PDE3A: variants seen among roughly 807,000 people sequenced by gnomAD.
The protein encoded by PDE3A is cGMP-inhibited 3',5'-cyclic phosphodiesterase 3A.
In PDE3A, 43 loss-of-function variants were observed where a neutral mutation model predicts 98.3. The observed-to-expected ratio is 0.44, with a 90% CI of 0.34 to 0.56. The LOEUF is 0.56. PDE3A is among the 20% of genes least tolerant of loss of function. The probability of loss-of-function intolerance (pLI) is 0.01; values close to 1 mark genes in which losing one functional copy is unlikely to be tolerated. For missense variants in PDE3A, 1,427 were observed against 1,440.7 expected (o/e 0.99, Z 0.15); for synonymous variants, 663 against 567.9 (o/e 1.17, Z -2.38).
At chr12:20,372,111 C>T (rs939803718) in intron 1 of PDE3A, among the ~76,000 whole-genome samples, 2 of 152,128 alleles carry the variant, frequency 1.3e-5, no homozygotes, top group African/African-American at 2.4e-5. Flanking sequence ...TAACCAGCAG[C>T]ATTCATTTAA....
At chr12:20,672,487 G>A (rs1047710161) in intron 15 of PDE3A, among the ~76,000 whole-genome samples, 3 of 151,720 alleles carry the variant, frequency 2.0e-5, no homozygotes, top group African/African-American at 7.3e-5. Flanking sequence ...CATGGTACTG[G>A]TACCAAAACA....
chr12:20,440,531 T>C (rs1323756978), intron 1 of PDE3A, among the ~76,000 whole-genome samples: 1 of 152,152 alleles, frequency 6.6e-6, no homozygotes, highest in Admixed American at 6.5e-5. Context: ...CCAAGTGCAA[T>C]TCTATTCATA....
chr12:20,688,481 T>C lies in PDE3A; in HGVS notation c.*8210T>C, dbSNP rs935983846. The stretch of plus-strand genomic sequence containing the variant: ...GTTTTATATATATAATATATAAATA[T>C]TACAGTAAATATATACTCAAAATTA... On this transcript the variant is annotated 3_prime_UTR_variant, in exon 16 of 16. Transcript: ENST00000359062. Among the ~76,000 whole-genome samples the C allele has an allele frequency of 6.6e-6, 1 of 151,498 alleles. No individual in the cohort carries two copies. Among genetic ancestry groups the C allele is most frequent in the Non-Finnish European group, 1.5e-5 (1 of 67,866 alleles).
chr12:20,527,704 T>C (rs576931516), intron 1 of PDE3A, among the ~76,000 whole-genome samples: 24 of 152,256 alleles, frequency 1.6e-4, no homozygotes, highest in African/African-American at 5.5e-4. Context: ...GCAGCAAGGA[T>C]GTTTTGGAAG....
chr12:20,598,339 C>T (rs760135710), intron 2 of PDE3A, among the ~76,000 whole-genome samples: 2 of 151,904 alleles, frequency 1.3e-5, no homozygotes, highest in South Asian at 2.1e-4. Flanking sequence ...CCCACCACCA[C>T]GCCCGGCTAA....
Position 20,646,611 on chromosome 12 carries a change from C to A in PDE3A, c.2365+8C>A. The A allele has an allele frequency of 6.7e-7, 1 of 1,487,844 alleles. No homozygotes were observed. The highest frequency in any genetic ancestry group is 9.4e-7 in the Non-Finnish European group (1 of 1,065,142). 92.2% of individuals were successfully genotyped at this position (1,487,844 alleles called of 1,614,324 possible). ...GTTCAACCAGTGATTCAGGTATGTA[C>A]GAAGTGAATCTGCACTGCCTTATGA... On this transcript the variant is annotated splice_region_variant and intron_variant, in intron 11 of 15. Coordinates refer to ENST00000359062, the MANE Select transcript of PDE3A (RefSeq NM_000921.5).
At chr12:20,395,928 C>T (rs1416604945) in intron 1 of PDE3A, among the ~76,000 whole-genome samples, 3 of 151,722 alleles carry the variant, frequency 2.0e-5, no homozygotes, top group Non-Finnish European at 4.4e-5. Context: ...ATTGCTGTGT[C>T]ACTGTCACTC....
chr12:20,688,067 A>G lies in PDE3A; in HGVS notation c.*7796A>G, dbSNP rs549746677. 2.6e-5 allele frequency among the ~76,000 whole-genome samples: 4 copies of G among 152,188 alleles called. No individual in the cohort carries two copies. In the East Asian group the frequency reaches 5.8e-4, roughly 22 times the overall value. ...CAATATTTTCAAATAACTGCCAACC[A>G]AAGTGACACTATAGGGATGTCATTT... On this transcript the variant is annotated 3_prime_UTR_variant, in exon 16 of 16. Transcript: ENST00000359062.
At chr12:20,671,070 C>A (rs1180896817) in intron 15 of PDE3A, among the ~76,000 whole-genome samples, 3 of 126,180 alleles carry the variant, frequency 2.4e-5, no homozygotes, top group Non-Finnish European at 4.9e-5. Flanking sequence ...ACTACAAACA[C>A]CTCTACGCAA....
intron 1 of PDE3A, among the ~76,000 whole-genome samples, chr12:20,553,758 G>A (rs1436037499): frequency 6.6e-6 from 1 of 152,222 alleles, no homozygotes; most frequent in African/African-American, 2.4e-5. Context: ...ACGGACGGAC[G>A]CCAGCACATG....
rs536215608 is a variant in PDE3A at position 20,447,485 on chromosome 12, T to C, written c.960+77241T>C. Among the ~76,000 whole-genome samples the C allele has an allele frequency of 2.0e-5, 3 of 152,198 alleles. No individual in the cohort carries two copies. In the East Asian group the frequency reaches 5.8e-4, roughly 29 times the overall value. ...GGTTGTGTTGATTACTAATGGCCAG[T>C]GATACAGTCAGTCATACCTGTAGAA... On this transcript the variant is annotated intron_variant, in intron 1 of 15. Coordinates refer to ENST00000359062, the MANE Select transcript of PDE3A (RefSeq NM_000921.5).
At chr12:20,416,568 C>A (rs1217696576) in intron 1 of PDE3A, among the ~76,000 whole-genome samples, 1 of 152,082 alleles carries the variant, frequency 6.6e-6, no homozygotes, top group Non-Finnish European at 1.5e-5. Context: ...TTAAAGTACT[C>A]CAAATTTAGG....
intron 1 of PDE3A, among the ~76,000 whole-genome samples, chr12:20,504,434 G>A (rs1365873259): frequency 1.3e-5 from 2 of 152,056 alleles, no homozygotes; most frequent in African/African-American, 2.4e-5. Flanking sequence ...TAAGATGACT[G>A]TATTAGTTAT....
At chr12:20,583,388 G>A in intron 2 of PDE3A, among the ~76,000 whole-genome samples, 1 of 152,098 alleles carries the variant, frequency 6.6e-6, no homozygotes, top group East Asian at 1.9e-4. Context: ...TTTCTATACT[G>A]ACCTCAAGTA....
intron 4 of PDE3A, among the ~76,000 whole-genome samples, chr12:20,618,237 G>A (rs1944053004): frequency 6.6e-6 from 1 of 152,112 alleles, no homozygotes; most frequent in Non-Finnish European, 1.5e-5. Context: ...CTATTTATAA[G>A]TAAGTGGCAG....
chr12:20,535,284 G>A (rs138117646), intron 1 of PDE3A, among the ~76,000 whole-genome samples: 1 of 152,116 alleles, frequency 6.6e-6, no homozygotes, highest in South Asian at 2.1e-4. Context: ...AGCATTACAT[G>A]CTTTCTTTAG....
chr12:20,443,435 C>A (rs1040118025), intron 1 of PDE3A, among the ~76,000 whole-genome samples: 5 of 152,028 alleles, frequency 3.3e-5, no homozygotes, highest in African/African-American at 1.2e-4. Flanking sequence ...TTGGGTAATA[C>A]CTCATTTTTT....
intron 1 of PDE3A, among the ~76,000 whole-genome samples, chr12:20,530,881 G>T (rs1254119131): frequency 6.6e-6 from 1 of 152,106 alleles, no homozygotes; most frequent in African/African-American, 2.4e-5. Flanking sequence ...AGTTCTGACT[G>T]TTTAATTAAA....
At chr12:20,572,069 A>C in intron 2 of PDE3A, 1 of 1,195,642 alleles carries the variant, frequency 8.4e-7, no homozygotes, top group Non-Finnish European at 1.1e-6. Flanking sequence ...TTTTTAAAAA[A>C]ATGAGAATCA....
Sources: allele counts gnomAD v4.1 joint callset (sites outside exome capture counted in the v4.1 genomes callset), GRCh38; gene constraint gnomAD v4.1.1; transcripts MANE v1.5; gene names NCBI Gene and HGNC (gene_info 2026-07-23, HGNC 2026-07-21).